SHQ1: variants seen among roughly 807,000 people sequenced by gnomAD.
The protein encoded by SHQ1 is SHQ1, H/ACA ribonucleoprotein assembly factor.
SHQ1 carries 49 observed loss-of-function variants against 53.8 expected under a neutral mutation model. The observed-to-expected ratio is 0.91, with a 90% confidence interval of 0.72 to 1.16. The LOEUF (loss-of-function observed/expected upper bound fraction) is 1.16, where lower values mean the gene tolerates loss of function less well. SHQ1 is among the 50% of genes most tolerant of loss of function. SHQ1 has a pLI of 0.00. For synonymous variants in SHQ1, 243 were observed against 251.0 expected, an observed-to-expected ratio of 0.97 and a Z score of 0.30; for missense variants, 738 against 683.1, an observed-to-expected ratio of 1.08 and a Z score of -0.90.
At chr3:72,812,647 T>C (rs572258638) in intron 9 of SHQ1, 24 bp downstream of exon 9, 2 of 1,607,866 alleles carry the variant, frequency 1.2e-6, no homozygotes, top group Admixed American at 3.4e-5. Flanking sequence ...CCCTCCCAAA[T>C]TTGCAAGTAC....
At chr3:72,803,745 G>A (rs527554830) in intron 9 of SHQ1, among the ~76,000 whole-genome samples, 1 of 152,262 alleles carries the variant, frequency 6.6e-6, no homozygotes, top group African/African-American at 2.4e-5. Flanking sequence ...AAGTGAATGA[G>A]CCTGTGTTTC....
At chr3:72,799,406 A>G (rs995033674) in intron 9 of SHQ1, among the ~76,000 whole-genome samples, 9 of 152,222 alleles carry the variant, frequency 5.9e-5, no homozygotes, top group Non-Finnish European at 1.2e-4. Flanking sequence ...TAATTTTCAT[A>G]TGTCATTTGA....
intron 10 of SHQ1, among the ~76,000 whole-genome samples, chr3:72,761,958 G>A (rs377111038): frequency 4.9e-4 from 75 of 152,270 alleles, no homozygotes; most frequent in Admixed American, 2.9e-3. Context: ...CCATCAGAAT[G>A]ACTCTCGCAC....
rs914896254 is a variant in SHQ1 at position 72,763,067 on chromosome 3, A to T, written c.1182-12231T>A. On this transcript the variant is annotated intron_variant, in intron 10 of 10. Transcript: ENST00000325599. ...CACACACACACACACACACACAGAG[A>T]GAGAGAGAGAGAGAGAGAGAAATGC... Among the ~76,000 whole-genome samples the T allele has an allele frequency of 3.1e-3, 430 of 139,000 alleles. 2 individuals are homozygous for T. Among genetic ancestry groups the T allele is most frequent in the African/African-American group, 0.01 (343 of 33,426 alleles). The allele number at this position is 139,000 out of a possible 152,430, so 91.2% of individuals were successfully genotyped here. A position where few individuals can be genotyped will look rare whatever the true frequency, so the allele number is the denominator to read the frequency against.
chr3:72,786,808 T>TG (rs1307096438), intron 10 of SHQ1, among the ~76,000 whole-genome samples: 5 of 152,116 alleles, frequency 3.3e-5, no homozygotes, highest in African/African-American at 9.7e-5. Context: ...AACTACTGGT[T>TG]GAAAAAAAAT....
intron 10 of SHQ1, among the ~76,000 whole-genome samples, chr3:72,770,837 G>T (rs1357806611): frequency 2.0e-5 from 3 of 152,206 alleles, no homozygotes; most frequent in African/African-American, 7.2e-5. Context: ...ACTGCATATA[G>T]GCAGATAAGA....
chr3:72,803,889 G>A (rs1414118163), intron 9 of SHQ1, among the ~76,000 whole-genome samples: 3 of 152,054 alleles, frequency 2.0e-5, no homozygotes, highest in Admixed American at 1.3e-4. Flanking sequence ...GATGGATTTG[G>A]CCTGTGGATG....
At chr3:72,752,253 G>T (rs1351178037) in intron 10 of SHQ1, among the ~76,000 whole-genome samples, 1 of 152,100 alleles carries the variant, frequency 6.6e-6, no homozygotes, top group Non-Finnish European at 1.5e-5. Context: ...TAACAGGAAA[G>T]ATATCAAAAC....
At chr3:72,844,693 C>T (rs113110592) in intron 1 of SHQ1, among the ~76,000 whole-genome samples, 3,079 of 152,218 alleles carry the variant, frequency 0.02, 113 homozygotes, top group African/African-American at 0.072. Context: ...TAGTAGTTAT[C>T]ACTATTGTTA....
At chr3:72,822,932 A>T (rs1707523120) in intron 6 of SHQ1, among the ~76,000 whole-genome samples, 1 of 152,020 alleles carries the variant, frequency 6.6e-6, no homozygotes, top group African/African-American at 2.4e-5. Flanking sequence ...GGCGGATCAC[A>T]AGGTCAGGAG....
At chr3:72,769,901 G>A (rs963821075) in intron 10 of SHQ1, among the ~76,000 whole-genome samples, 2 of 152,120 alleles carry the variant, frequency 1.3e-5, no homozygotes, top group African/African-American at 4.8e-5. Context: ...CACAGCTCTG[G>A]GTTAACTTAA....
intron 2 of SHQ1, among the ~76,000 whole-genome samples, chr3:72,843,942 AT>A (rs1484302446): frequency 2.0e-5 from 3 of 152,226 alleles, no homozygotes; most frequent in African/African-American, 7.2e-5. Context: ...TAGCCTTTAA[AT>A]GCCACCCATG....
chr3:72,813,262 T>C (rs1372363054), intron 8 of SHQ1, among the ~76,000 whole-genome samples: 1 of 148,204 alleles, frequency 6.7e-6, no homozygotes, highest in Non-Finnish European at 1.5e-5. Flanking sequence ...AGGTCAGGAG[T>C]TCGAGACCTC....
In SHQ1 at chr3:72,750,449, TC is replaced by T. The variant is rs776848732; in HGVS notation, c.1568del (p.Gly523GlufsTer16). 6.2e-7 allele frequency: 1 copy of T among 1,614,056 alleles called. No individual in the cohort carries two copies. The highest frequency in any genetic ancestry group is 1.3e-5 in the African/African-American group (1 of 74,906). On this transcript the variant is annotated frameshift_variant, in exon 11 of 11. Transcript: ENST00000325599. LOFTEE classifies it low-confidence loss of function (END_TRUNC). ...GAGGCCAGGAAGAGGCAAGTGGCTTTCCCTGACTGGCATCAGACTCCTGGAT... is the reference window on the plus strand; with the variant it reads ...GAGGCCAGGAAGAGGCAAGTGGCTTTCCTGACTGGCATCAGACTCCTGGAT... ...TAIQESDASQ[G>X]KPLASSWPLG...
chr3:72,804,784 G>A (rs1300251392), intron 9 of SHQ1, among the ~76,000 whole-genome samples: 1 of 152,188 alleles, frequency 6.6e-6, no homozygotes, highest in Non-Finnish European at 1.5e-5. Context: ...GAGCCCAAGA[G>A]TTTGAAGTTG....
At chr3:72,841,259 A>G in intron 3 of SHQ1, 60 bp from the exon 4 acceptor site, 1 of 1,385,668 alleles carries the variant, frequency 7.2e-7, no homozygotes, top group African/African-American at 1.5e-5. Context: ...CTAGGGGAAG[A>G]AAAAGTATAG....
At position 72,762,091 on chromosome 3, in the gene SHQ1, A is replaced by C. The variant is rs193167835; in HGVS notation, c.1182-11255T>G. On this transcript the variant is annotated intron_variant, in intron 10 of 10. Transcript: ENST00000325599. ...CATGTGCCCACAAACATGTACATAC[A>C]TACATGTGCACACACATGCCTATAC... 1.5e-3 allele frequency among the ~76,000 whole-genome samples: 234 copies of C among 152,308 alleles called. 1 individual carries two copies. Among genetic ancestry groups the C allele is most frequent in the African/African-American group, 4.8e-3 (201 of 41,554 alleles).
chr3:72,786,529 A>G (rs1052459572), intron 10 of SHQ1, among the ~76,000 whole-genome samples: 1 of 152,026 alleles, frequency 6.6e-6, no homozygotes, highest in African/African-American at 2.4e-5. Flanking sequence ...AATACTCTTC[A>G]TCCCCACTTC....
the SHQ1 span, among the ~76,000 whole-genome samples, chr3:72,729,226 T>G: frequency 6.6e-6 from 1 of 152,214 alleles, no homozygotes; most frequent in Non-Finnish European, 1.5e-5. Flanking sequence ...TGGCTCCTAT[T>G]GGGTTTTGAG....
Sources: gnomAD v4.1 joint callset for allele counts (sites outside exome capture counted in the v4.1 genomes callset) on GRCh38, gnomAD v4.1.1 for gene constraint, MANE v1.5 for transcripts, NCBI Gene and HGNC (gene_info 2026-07-23, HGNC 2026-07-21) for gene names.